Variants in KCND2 observed in about 807,000 individuals in gnomAD.
KCND2 encodes the protein potassium voltage-gated channel subfamily D member 2.
Under a neutral mutation model 54.4 loss-of-function variants are expected in KCND2, and 16 were observed. That is an observed-to-expected ratio of 0.29 (90% CI 0.20 to 0.45). KCND2 has a LOEUF of 0.45. Ranked by LOEUF, KCND2 falls within the 20% of genes least tolerant of loss-of-function variation. The pLI is 1.00. For synonymous variants in KCND2, 317 were observed against 310.7 expected (o/e 1.02, Z -0.21); for missense variants, 486 against 824.2 (o/e 0.59, Z 5.02).
At chr7:120,618,137 C>T (rs1184069179) in intron 1 of KCND2, among the ~76,000 whole-genome samples, 8 of 152,036 alleles carry the variant, frequency 5.3e-5, no homozygotes, top group Non-Finnish European at 1.2e-4. Flanking sequence ...AAAAAACCTG[C>T]GCATGTACCC....
intron 1 of KCND2, among the ~76,000 whole-genome samples, chr7:120,340,759 A>G (rs1186801913): frequency 6.6e-6 from 1 of 152,168 alleles, no homozygotes; most frequent in Non-Finnish European, 1.5e-5. Context: ...AGGATTACAA[A>G]TTGTAAGAGG....
At chr7:120,638,721 T>C (rs1793336447) in intron 1 of KCND2, among the ~76,000 whole-genome samples, 1 of 152,150 alleles carries the variant, frequency 6.6e-6, no homozygotes, top group Non-Finnish European at 1.5e-5. Context: ...TCTCCCTCTC[T>C]AGTTCAAGAT....
At chr7:120,682,504 T>C (rs1200297691) in intron 1 of KCND2, among the ~76,000 whole-genome samples, 1 of 152,060 alleles carries the variant, frequency 6.6e-6, no homozygotes, top group Admixed American at 6.6e-5. Context: ...ATTCAAAAAG[T>C]GGAAAAACTC....
chr7:120,606,094 T>C (rs947570625), intron 1 of KCND2, among the ~76,000 whole-genome samples: 3 of 152,174 alleles, frequency 2.0e-5, no homozygotes, highest in African/African-American at 7.2e-5. Context: ...TTGCTCCTCC[T>C]TTGCCTTCCA....
chr7:120,331,404 T>C (rs575688667), intron 1 of KCND2, among the ~76,000 whole-genome samples: 16 of 152,192 alleles, frequency 1.1e-4, no homozygotes, highest in African/African-American at 3.4e-4. Context: ...TTTTTAATTT[T>C]GATGTTTGTA....
chr7:120,483,047 T>C (rs1802630128), intron 1 of KCND2, among the ~76,000 whole-genome samples: 1 of 152,112 alleles, frequency 6.6e-6, no homozygotes, highest in African/African-American at 2.4e-5. Flanking sequence ...TAAAAGGTAT[T>C]GTTGGGAATC....
intron 1 of KCND2, among the ~76,000 whole-genome samples, chr7:120,365,444 G>A (rs1296657378): frequency 6.6e-6 from 1 of 152,074 alleles, no homozygotes; most frequent in Non-Finnish European, 1.5e-5. Context: ...AAGGCTGTAA[G>A]GCCATGTATA....
At chr7:120,513,450 T>C (rs1803150451) in intron 1 of KCND2, among the ~76,000 whole-genome samples, 1 of 152,172 alleles carries the variant, frequency 6.6e-6, no homozygotes, top group Non-Finnish European at 1.5e-5. Context: ...GTTGTATCTA[T>C]GTGAAAATTA....
intron 1 of KCND2, among the ~76,000 whole-genome samples, chr7:120,283,307 T>A (rs1317610466): frequency 6.6e-6 from 1 of 152,136 alleles, no homozygotes; most frequent in African/African-American, 2.4e-5. Context: ...AATAAAGACT[T>A]CTGATTTCAT....
intron 1 of KCND2, among the ~76,000 whole-genome samples, chr7:120,701,928 C>A (rs1352356355): frequency 6.6e-6 from 1 of 152,098 alleles, no homozygotes; most frequent in Non-Finnish European, 1.5e-5. Flanking sequence ...ATGCCGAAAG[C>A]AATTGCAACA....
chr7:120,409,636 A>G (rs1054184228), intron 1 of KCND2, among the ~76,000 whole-genome samples: 1 of 151,920 alleles, frequency 6.6e-6, no homozygotes, highest in Non-Finnish European at 1.5e-5. Context: ...TGTTTCTCTT[A>G]TGATTAAAAA....
At position 120,728,127 on chromosome 7, in the gene KCND2, C is replaced by T. The variant is rs1338362201; in HGVS notation, c.1116-4776C>T. Among the ~76,000 whole-genome samples the T allele has an allele frequency of 7.2e-5, 9 of 125,830 alleles. No individual in the cohort carries two copies. In the East Asian group the frequency reaches 1.3e-3, roughly 19 times the overall value. 82.5% of individuals were successfully genotyped at this position (125,830 alleles called of 152,430 possible). ...CCAGCCTGGCAACAGAGGGAGATTC[C>T]GTCTCAAAAAAAAAAAAAAAAGAAA... On this transcript the variant is annotated intron_variant, in intron 1 of 5. Coordinates refer to ENST00000331113, the MANE Select transcript of KCND2 (RefSeq NM_012281.3).
chr7:120,379,364 A>C (rs911937283), intron 1 of KCND2, among the ~76,000 whole-genome samples: 1 of 152,080 alleles, frequency 6.6e-6, no homozygotes. Context: ...CAGATAAATT[A>C]GATAGTGTGT....
intron 1 of KCND2, among the ~76,000 whole-genome samples, chr7:120,432,666 A>G (rs184400824): frequency 1.3e-5 from 2 of 152,042 alleles, no homozygotes; most frequent in African/African-American, 4.8e-5. Context: ...TTTTTTTGAG[A>G]TGGAGTCTCA....
At chr7:120,596,819 T>C (rs1162801970) in intron 1 of KCND2, among the ~76,000 whole-genome samples, 1 of 152,074 alleles carries the variant, frequency 6.6e-6, no homozygotes, top group Non-Finnish European at 1.5e-5. Context: ...CATGGAAAAA[T>C]AAAACAAGTG....
At chr7:120,531,196 C>G (rs950038347) in intron 1 of KCND2, among the ~76,000 whole-genome samples, 1 of 152,104 alleles carries the variant, frequency 6.6e-6, no homozygotes, top group Admixed American at 6.6e-5. Context: ...CATACCTTCT[C>G]TCCTCCAACA....
intron 1 of KCND2, among the ~76,000 whole-genome samples, chr7:120,355,743 A>G (rs1361746356): frequency 6.6e-6 from 1 of 152,206 alleles, no homozygotes; most frequent in Non-Finnish European, 1.5e-5. Context: ...CATAAAGCAG[A>G]AAAAGCATAA....
intron 1 of KCND2, among the ~76,000 whole-genome samples, chr7:120,676,722 A>C (rs1469483674): frequency 6.6e-6 from 1 of 152,184 alleles, no homozygotes; most frequent in Non-Finnish European, 1.5e-5. Flanking sequence ...CTGTACATCT[A>C]TTTGCCATGG....
intron 1 of KCND2, among the ~76,000 whole-genome samples, chr7:120,415,500 GT>G (rs35448664): frequency 0.25 from 37,659 of 151,924 alleles, 6,401 homozygotes; most frequent in East Asian, 0.57. Flanking sequence ...TTGCAACACT[GT>G]TTTATTTTTT....
Sources: allele counts gnomAD v4.1 joint callset (sites outside exome capture counted in the v4.1 genomes callset), GRCh38; gene constraint gnomAD v4.1.1; transcripts MANE v1.5; gene names NCBI Gene and HGNC (gene_info 2026-07-23, HGNC 2026-07-21).